Variants in LTBP1 observed in about 807,000 individuals in gnomAD.
LTBP1 encodes latent transforming growth factor beta binding protein 1.
Under a neutral mutation model 207.6 loss-of-function variants are expected in LTBP1, and 129 were observed. The ratio of observed to expected loss-of-function variants is 0.62; its 90% CI spans 0.54 to 0.72. The LOEUF (loss-of-function observed/expected upper bound fraction) is 0.72. LTBP1 is among the 30% of genes least tolerant of loss of function. The pLI, the probability that LTBP1 is intolerant of heterozygous loss-of-function variation, is 0.00. For missense variants in LTBP1, 2,281 were observed against 2,217.2 expected, an observed-to-expected ratio of 1.03 and a Z score of -0.58; for synonymous variants, 963 against 833.7, an observed-to-expected ratio of 1.16 and a Z score of -2.67.
intron 3 of LTBP1, among the ~76,000 whole-genome samples, chr2:33,039,750 AT>A (rs1017611682): frequency 6.6e-6 from 1 of 152,080 alleles, no homozygotes; most frequent in African/African-American, 2.4e-5. Context: ...TTTACCCTGT[AT>A]TTCTTTTTCA....
intron 26 of LTBP1, among the ~76,000 whole-genome samples, chr2:33,355,848 A>G (rs2094851945): frequency 6.6e-6 from 1 of 152,090 alleles, no homozygotes; most frequent in Admixed American, 6.6e-5. Flanking sequence ...GTGTCCTGGG[A>G]GTGAAGCCTC....
At chr2:33,314,595 C>A (rs2094238274) in intron 23 of LTBP1, among the ~76,000 whole-genome samples, 1 of 152,170 alleles carries the variant, frequency 6.6e-6, no homozygotes, top group African/African-American at 2.4e-5. Flanking sequence ...ATTTCTATTA[C>A]CCATTTCCAA....
At chr2:33,107,032 T>G (rs1301486996) in intron 3 of LTBP1, among the ~76,000 whole-genome samples, 6 of 152,248 alleles carry the variant, frequency 3.9e-5, no homozygotes, top group Non-Finnish European at 8.8e-5. Context: ...GTCTGTACTC[T>G]TTCAGAGTGA....
At chr2:33,250,375 C>T (rs1294159939) in intron 10 of LTBP1, among the ~76,000 whole-genome samples, 1 of 152,110 alleles carries the variant, frequency 6.6e-6, no homozygotes, top group Admixed American at 6.5e-5. Context: ...GTGCTCACCC[C>T]CTCCACAAAG....
At chr2:33,028,358 C>T (rs2075532019) in intron 3 of LTBP1, among the ~76,000 whole-genome samples, 1 of 152,082 alleles carries the variant, frequency 6.6e-6, no homozygotes, top group South Asian at 2.1e-4. Context: ...TGAGTGTTGT[C>T]TCATTTAATC....
chr2:33,261,961 G>T (rs1015287078), intron 13 of LTBP1, among the ~76,000 whole-genome samples: 4 of 152,200 alleles, frequency 2.6e-5, no homozygotes, highest in African/African-American at 9.6e-5. Context: ...GAGCTCCCTG[G>T]TCACATCTGG....
intron 3 of LTBP1, among the ~76,000 whole-genome samples, chr2:33,098,142 A>C (rs1357184867): frequency 2.6e-5 from 4 of 152,310 alleles, no homozygotes; most frequent in Non-Finnish European, 4.4e-5. Context: ...TTGCTAATTA[A>C]TTAGCAAGGT....
intron 4 of LTBP1, among the ~76,000 whole-genome samples, chr2:33,112,329 A>G (rs747570273): frequency 2.6e-5 from 4 of 152,202 alleles, no homozygotes; most frequent in Non-Finnish European, 5.9e-5. Context: ...AAACTCTCAA[A>G]TCTTGGTTGA....
In LTBP1 at chr2:33,287,623, A is replaced by G. The variant is rs184131378; in HGVS notation, c.3113-5537A>G. On this transcript the variant is annotated intron_variant, in intron 19 of 33. Transcript: ENST00000404816. Reference sequence around the variant, plus strand: ...TTTGGAAAGGTGAGGTAGGAAGCCAATAATTTGGTGGGATTAGTGATTGGA... The same window carrying G: ...TTTGGAAAGGTGAGGTAGGAAGCCAGTAATTTGGTGGGATTAGTGATTGGA... Among the ~76,000 whole-genome samples the G allele has an allele frequency of 3.9e-5, 6 of 152,334 alleles. No homozygotes were observed. The East Asian group carries it at 7.7e-4, about 20-fold the overall frequency.
chr2:33,125,700 G>A (rs1572748048), intron 4 of LTBP1, among the ~76,000 whole-genome samples: 1 of 151,898 alleles, frequency 6.6e-6, no homozygotes, highest in South Asian at 2.1e-4. Flanking sequence ...GCGTGGTGCA[G>A]GTGCCTGTAG....
intron 2 of LTBP1, among the ~76,000 whole-genome samples, chr2:32,959,660 G>A (rs367700782): frequency 1.3e-4 from 14 of 108,030 alleles, no homozygotes; most frequent in African/African-American, 4.6e-4. Context: ...TTGCTTTGTC[G>A]CCCAGGCTCT....
intron 28 of LTBP1, 65 bp from the exon 29 acceptor site, chr2:33,363,325 G>T (rs998453902): frequency 1.3e-6 from 2 of 1,551,770 alleles, no homozygotes; most frequent in Non-Finnish European, 1.8e-6. Flanking sequence ...AATCTGGTTA[G>T]ACTCTTTTTA....
intron 3 of LTBP1, among the ~76,000 whole-genome samples, chr2:33,094,585 A>G (rs1271743929): frequency 2.0e-5 from 3 of 152,238 alleles, no homozygotes; most frequent in African/African-American, 7.2e-5. Context: ...GTACTAGACC[A>G]TTATCACATG....
chr2:33,318,275 G>A (rs2094302341), intron 24 of LTBP1, among the ~76,000 whole-genome samples: 2 of 152,194 alleles, frequency 1.3e-5, no homozygotes, highest in African/African-American at 2.4e-5. Flanking sequence ...TCCCATGTAA[G>A]GTAAAGAATG....
intron 2 of LTBP1, among the ~76,000 whole-genome samples, chr2:33,016,718 T>A (rs924657372): frequency 2.0e-5 from 3 of 152,032 alleles, no homozygotes; most frequent in Non-Finnish European, 2.9e-5. Flanking sequence ...AAAATAAAAT[T>A]AAATTAAAAA....
At chr2:32,971,030 G>A (rs1572879530) in intron 2 of LTBP1, among the ~76,000 whole-genome samples, 1 of 149,778 alleles carries the variant, frequency 6.7e-6, no homozygotes, top group African/African-American at 2.4e-5. Context: ...GTGTGTGTGT[G>A]TGTGTGTGTG....
rs186652776 is a variant in LTBP1 at position 33,396,248 on chromosome 2, A to T, written c.4835-885A>T. On this transcript the variant is annotated intron_variant, in intron 32 of 33. Coordinates refer to ENST00000404816, the MANE Select transcript of LTBP1 (RefSeq NM_206943.4). ...TTTTTGTCTTTTGTTTTTTTGACAG[A>T]GTCCTGCTCTGTTGCTCAGGCTGGA... 2.2e-3 allele frequency among the ~76,000 whole-genome samples: 331 copies of T among 151,958 alleles called. 1 individual carries two copies. The highest frequency in any genetic ancestry group is 3.9e-3 in the Admixed American group (60 of 15,252).
At chr2:33,224,894 T>G (rs72858035) in intron 9 of LTBP1, among the ~76,000 whole-genome samples, 1,586 of 152,348 alleles carry the variant, frequency 0.01, 22 homozygotes, top group African/African-American at 0.036. Context: ...CATTTGTCTA[T>G]TTCACTAATT....
intron 3 of LTBP1, among the ~76,000 whole-genome samples, chr2:33,083,601 G>A (rs1277946305): frequency 6.6e-6 from 1 of 152,142 alleles, no homozygotes; most frequent in Non-Finnish European, 1.5e-5. Context: ...GATTTCTGGT[G>A]CTGCAGTAGG....
Sources: allele counts gnomAD v4.1 joint callset (sites outside exome capture counted in the v4.1 genomes callset), GRCh38; gene constraint gnomAD v4.1.1; transcripts MANE v1.5; gene names NCBI Gene and HGNC (gene_info 2026-07-23, HGNC 2026-07-21).